Variants in TMCC1 observed in about 807,000 individuals in gnomAD.
TMCC1 encodes the protein transmembrane and coiled-coil domain family 1.
Under a neutral mutation model 52.4 loss-of-function variants are expected in TMCC1, and 15 were observed. That is an observed-to-expected ratio of 0.29 (90% CI 0.19 to 0.44). The LOEUF (loss-of-function observed/expected upper bound fraction) is 0.44, where lower values mean the gene tolerates loss of function less well. TMCC1 is among the 20% of genes least tolerant of loss of function. The pLI, the probability that TMCC1 is intolerant of heterozygous loss-of-function variation, is 1.00. For synonymous variants in TMCC1, 279 were observed against 301.9 expected (o/e 0.92, Z 0.79); for missense variants, 503 against 806.0 (o/e 0.62, Z 4.55).
chr3:129,761,967 G>C (rs2053636223), intron 4 of TMCC1, among the ~76,000 whole-genome samples: 1 of 136,112 alleles, frequency 7.3e-6, no homozygotes, highest in African/African-American at 2.7e-5. Context: ...CTCCAGCCTG[G>C]GTGACAGAGC....
rs549375502 is a variant in TMCC1 at position 129,873,328 on chromosome 3, G to GA, written c.-184+6980dup. Reference sequence around the variant, plus strand: ...GTGTGGACATACGAAAAACCCAAAAGAAAAAAAATCACAGGAAATACATAA... The same window carrying GA: ...GTGTGGACATACGAAAAACCCAAAAGAAAAAAAAATCACAGGAAATACATAA... On this transcript the variant is annotated intron_variant, in intron 2 of 6. Coordinates refer to ENST00000393238, the MANE Select transcript of TMCC1 (RefSeq NM_001017395.5). Among the ~76,000 whole-genome samples, 362 of 133,402 alleles carry GA rather than the reference G, an allele frequency of 2.7e-3. 3 individuals carry two copies. The highest frequency in any genetic ancestry group is 9.2e-3 in the African/African-American group (333 of 36,100). 87.5% of individuals were successfully genotyped at this position (133,402 alleles called of 152,430 possible). A position where few individuals can be genotyped will look rare whatever the true frequency, so the allele number is the denominator to read the frequency against.
At chr3:129,661,550 C>T (rs969771112) in intron 5 of TMCC1, among the ~76,000 whole-genome samples, 4 of 152,294 alleles carry the variant, frequency 2.6e-5, no homozygotes, top group Admixed American at 2.6e-4. Context: ...AGATTATTGT[C>T]TTTTTAAAAA....
At chr3:129,682,861 G>A (rs2089113049) in intron 4 of TMCC1, among the ~76,000 whole-genome samples, 2 of 151,970 alleles carry the variant, frequency 1.3e-5, no homozygotes, top group African/African-American at 2.4e-5. Context: ...TTGAGACAGA[G>A]TTTCGCTCTT....
intron 1 of TMCC1, chr3:129,893,204 G>C (rs1396192526): frequency 6.6e-6 from 1 of 152,322 alleles, no homozygotes; most frequent in East Asian, 1.9e-4. Flanking sequence ...ATGCTGGGAA[G>C]GGAACGAGGC....
intron 4 of TMCC1, among the ~76,000 whole-genome samples, chr3:129,763,275 G>A (rs1483738357): frequency 6.9e-6 from 1 of 145,532 alleles, no homozygotes; most frequent in Non-Finnish European, 1.5e-5. Flanking sequence ...CAGGTGTGGA[G>A]CTCAGGCCAG....
intron 4 of TMCC1, among the ~76,000 whole-genome samples, chr3:129,685,790 C>T (rs1322723559): frequency 6.6e-6 from 1 of 152,124 alleles, no homozygotes; most frequent in Non-Finnish European, 1.5e-5. Flanking sequence ...TCTACATGTC[C>T]AAAACCAAAC....
At chr3:129,708,413 T>C (rs1357905855) in intron 4 of TMCC1, among the ~76,000 whole-genome samples, 2 of 152,206 alleles carry the variant, frequency 1.3e-5, no homozygotes, top group Non-Finnish European at 2.9e-5. Flanking sequence ...CTAACTCAGA[T>C]TTGCTAGTGA....
intron 4 of TMCC1, among the ~76,000 whole-genome samples, chr3:129,697,912 G>T (rs2047531946): frequency 6.6e-6 from 1 of 152,074 alleles, no homozygotes; most frequent in Non-Finnish European, 1.5e-5. Context: ...AAGACTCTAG[G>T]AAGTTCCAAA....
chr3:129,650,821 A>T lies in TMCC1; in HGVS notation c.*660T>A, dbSNP rs555098686. 5 of 152,776 alleles carry T rather than the reference A, an allele frequency of 3.3e-5. No individual in the cohort carries two copies. In the South Asian group the frequency reaches 1.0e-3, roughly 32 times the overall value. 9.5% of individuals were successfully genotyped at this position (152,776 alleles called of 1,614,324 possible). ...TAAGTATTTAGAGGGCTACTTAAAA[A>T]TACTGTAGTAGGACTGTGCAGTGAT... On this transcript the variant is annotated 3_prime_UTR_variant, in exon 7 of 7. Coordinates refer to ENST00000393238, the MANE Select transcript of TMCC1 (RefSeq NM_001017395.5).
rs2062094181 is a variant in TMCC1 at position 129,893,678 on chromosome 3, AG to A, written c.-620del. 1 of 145,340 alleles carries A rather than the reference AG, an allele frequency of 6.9e-6. No individual in the cohort carries two copies. The highest frequency in any genetic ancestry group is 1.9e-4 in the South Asian group (1 of 5,260). 9.0% of individuals were successfully genotyped at this position (145,340 alleles called of 1,614,324 possible). On this transcript the variant is annotated 5_prime_UTR_variant, in exon 1 of 7. Transcript: ENST00000393238. ...TCACCGCCACCGCCGCCGCCGCCTC[AG>A]CCCCGGCGCGGGAGGGCGAACCGGC...
chr3:129,740,427 G>A (rs997049072), intron 4 of TMCC1, among the ~76,000 whole-genome samples: 4 of 152,124 alleles, frequency 2.6e-5, no homozygotes, highest in African/African-American at 9.7e-5. Context: ...AAAGGCAATG[G>A]CATAGGATAA....
intron 4 of TMCC1, among the ~76,000 whole-genome samples, chr3:129,735,605 T>G: frequency 6.9e-6 from 1 of 145,162 alleles, no homozygotes; most frequent in Admixed American, 7.1e-5. Flanking sequence ...ACTATGATTG[T>G]GCCACTGCAC....
intron 4 of TMCC1, among the ~76,000 whole-genome samples, chr3:129,717,777 T>G (rs907262416): frequency 1.3e-5 from 2 of 152,202 alleles, no homozygotes; most frequent in Non-Finnish European, 2.9e-5. Flanking sequence ...GTCTGAACCA[T>G]GATCATATAT....
At chr3:129,736,172 C>T (rs915242084) in intron 4 of TMCC1, among the ~76,000 whole-genome samples, 12 of 152,184 alleles carry the variant, frequency 7.9e-5, no homozygotes, top group African/African-American at 2.7e-4. Context: ...CTGTGGATCT[C>T]GTGCAGGGAT....
intron 4 of TMCC1, among the ~76,000 whole-genome samples, chr3:129,675,416 C>T (rs1449338259): frequency 6.6e-6 from 1 of 152,166 alleles, no homozygotes; most frequent in Non-Finnish European, 1.5e-5. Flanking sequence ...ATCAACTGTA[C>T]TAATGCTCAC....
At chr3:129,724,899 G>C (rs1346056946) in intron 4 of TMCC1, among the ~76,000 whole-genome samples, 3 of 152,144 alleles carry the variant, frequency 2.0e-5, no homozygotes, top group African/African-American at 7.2e-5. Flanking sequence ...AAATCTATAA[G>C]AAGTTCTTCA....
intron 4 of TMCC1, among the ~76,000 whole-genome samples, chr3:129,775,109 A>C (rs947194177): frequency 6.6e-6 from 1 of 152,174 alleles, no homozygotes. Context: ...TTTAGAAAGT[A>C]GAATCAATGA....
chr3:129,757,942 T>A (rs1560345819), intron 4 of TMCC1, among the ~76,000 whole-genome samples: 1 of 152,122 alleles, frequency 6.6e-6, no homozygotes, highest in African/African-American at 2.4e-5. Flanking sequence ...CTTTGATGTA[T>A]GTGAACTTAG....
chr3:129,667,417 C>A (rs1407537228), intron 5 of TMCC1, among the ~76,000 whole-genome samples: 1 of 152,032 alleles, frequency 6.6e-6, no homozygotes, highest in African/African-American at 2.4e-5. Flanking sequence ...GACTTTTCCA[C>A]TCCCTTTTTT....
Sources: gnomAD v4.1 joint callset for allele counts (sites outside exome capture counted in the v4.1 genomes callset) on GRCh38, gnomAD v4.1.1 for gene constraint, MANE v1.5 for transcripts, NCBI Gene and HGNC (gene_info 2026-07-23, HGNC 2026-07-21) for gene names.